LSM12: variants seen among roughly 807,000 people sequenced by gnomAD.
LSM12 encodes the protein protein LSM12.
For missense variants in LSM12, 108 were observed against 238.9 expected, an observed-to-expected ratio of 0.45 and a Z score of 3.61; for synonymous variants, 74 against 87.3, an observed-to-expected ratio of 0.85 and a Z score of 0.85.
chr17:44,056,945 C>T (rs2049722667), intron 2 of LSM12, among the ~76,000 whole-genome samples: 1 of 151,756 alleles, frequency 6.6e-6, no homozygotes, highest in African/African-American at 2.4e-5. Flanking sequence ...AAGCTGTAAT[C>T]GTGCCATTGC....
chr17:44,036,030 T>C lies in LSM12; in HGVS notation c.*178A>G. On this transcript the variant is annotated 3_prime_UTR_variant, in exon 5 of 5. Coordinates refer to ENST00000293406, the MANE Select transcript of LSM12 (RefSeq NM_001371445.1). ...TAATGATTCAACTTTTAAATTATTC[T>C]CTTGTTCTTTTTTGTTGGGTGTTTT... is the stretch of plus-strand genomic sequence containing the variant. The C allele has an allele frequency of 1.9e-6, 1 of 527,596 alleles. No homozygotes were observed. The highest frequency in any genetic ancestry group is 3.3e-6 in the Non-Finnish European group (1 of 301,812). The allele number at this position is 527,596 out of a possible 1,614,324, so 32.7% of individuals were successfully genotyped here. A position where few individuals can be genotyped will look rare whatever the true frequency, so the allele number is the denominator to read the frequency against.
intron 2 of LSM12, among the ~76,000 whole-genome samples, chr17:44,052,619 C>A (rs1001007693): frequency 6.6e-6 from 1 of 151,560 alleles, no homozygotes; most frequent in Non-Finnish European, 1.5e-5. Flanking sequence ...ATTAGCCGGG[C>A]ATGGTGGCGG....
intron 2 of LSM12, among the ~76,000 whole-genome samples, chr17:44,053,055 C>A (rs1215780169): frequency 1.3e-5 from 2 of 152,104 alleles, no homozygotes; most frequent in Non-Finnish European, 2.9e-5. Flanking sequence ...ACTGAGCACT[C>A]CCAAATCAGC....
intron 2 of LSM12, among the ~76,000 whole-genome samples, chr17:44,045,297 A>T (rs2049547738): frequency 1.3e-5 from 2 of 152,136 alleles, no homozygotes; most frequent in Non-Finnish European, 2.9e-5. Flanking sequence ...AAGTGCTGGG[A>T]TTACAAGCGT....
At chr17:44,040,347 A>T in intron 2 of LSM12, 91 bp from the exon 3 acceptor site, 3 of 938,910 alleles carry the variant, frequency 3.2e-6, no homozygotes, top group Non-Finnish European at 5.0e-6. Flanking sequence ...GGAGGCCAGG[A>T]AAGACTTGTT....
At chr17:44,054,659 A>T (rs2049688187) in intron 2 of LSM12, among the ~76,000 whole-genome samples, 1 of 151,774 alleles carries the variant, frequency 6.6e-6, no homozygotes, top group Non-Finnish European at 1.5e-5. Flanking sequence ...GACCCATTTG[A>T]CACCACTCAC....
intron 2 of LSM12, among the ~76,000 whole-genome samples, chr17:44,054,084 C>G (rs1315839648): frequency 6.6e-6 from 1 of 152,138 alleles, no homozygotes; most frequent in Non-Finnish European, 1.5e-5. Context: ...TTCAGGAGGA[C>G]AACAATTCTC....
chr17:44,062,363 A>G (rs1206239800), intron 2 of LSM12, among the ~76,000 whole-genome samples: 3 of 152,156 alleles, frequency 2.0e-5, no homozygotes, highest in Admixed American at 2.0e-4. Context: ...TTAACTGTGA[A>G]GGACAAGGTA....
chr17:44,037,603 G>A, intron 3 of LSM12, 65 bp from the exon 4 acceptor site: 1 of 1,504,224 alleles, frequency 6.6e-7, no homozygotes, highest in Non-Finnish European at 8.8e-7. Flanking sequence ...CCTGTCTGAT[G>A]AATAAATAAC....
Position 44,034,501 on chromosome 17 carries a change from T to C in LSM12, c.*1707A>G, listed in dbSNP as rs1405655035. 2 of 152,382 alleles carry C rather than the reference T, an allele frequency of 1.3e-5. No individual in the cohort carries two copies. Among genetic ancestry groups the C allele is most frequent in the Admixed American group, 6.6e-5 (1 of 15,260 alleles). The allele number at this position is 152,382 out of a possible 1,614,324, so 9.4% of individuals were successfully genotyped here. A position where few individuals can be genotyped will look rare whatever the true frequency, so the allele number is the denominator to read the frequency against. ...TTATACCCTGCATTATATTTCTGGA[T>C]GAGTCCTCGGGGGTGAAAAGAGAGG... On this transcript the variant is annotated 3_prime_UTR_variant, in exon 5 of 5. Coordinates refer to ENST00000293406, the MANE Select transcript of LSM12 (RefSeq NM_001371445.1).
intron 2 of LSM12, among the ~76,000 whole-genome samples, chr17:44,050,709 T>C (rs369498156): frequency 2.6e-5 from 4 of 151,634 alleles, no homozygotes; most frequent in Non-Finnish European, 5.9e-5. Flanking sequence ...TGAGAAGAGA[T>C]GGGGTTTCAC....
At chr17:44,057,081 A>C (rs2049724895) in intron 2 of LSM12, among the ~76,000 whole-genome samples, 1 of 151,348 alleles carries the variant, frequency 6.6e-6, no homozygotes, top group African/African-American at 2.4e-5. Context: ...GCTTTAGCAC[A>C]GGAGGCGGAG....
intron 2 of LSM12, 60 bp downstream of exon 2, chr17:44,063,741 C>T: frequency 6.5e-7 from 1 of 1,531,908 alleles, no homozygotes; most frequent in East Asian, 2.3e-5. Flanking sequence ...ATCACTAAGA[C>T]TCAATGAGAC....
chr17:44,060,409 C>G (rs1008188555), intron 2 of LSM12, among the ~76,000 whole-genome samples: 1 of 152,132 alleles, frequency 6.6e-6, no homozygotes, highest in African/African-American at 2.4e-5. Context: ...AGCAGTAGCC[C>G]AAAAGGCTCT....
intron 1 of LSM12, 30 bp downstream of exon 1, chr17:44,066,434 C>A (rs1168628713): frequency 4.5e-6 from 7 of 1,546,030 alleles, no homozygotes; most frequent in Admixed American, 1.9e-5. Context: ...CACGCCGGCC[C>A]GGACTCGGGC....
At chr17:44,047,809 C>G (rs967676075) in intron 2 of LSM12, among the ~76,000 whole-genome samples, 4 of 151,640 alleles carry the variant, frequency 2.6e-5, no homozygotes, top group Admixed American at 6.6e-5. Context: ...TCTCAAACTC[C>G]TGATCTCAAA....
intron 2 of LSM12, among the ~76,000 whole-genome samples, chr17:44,057,174 G>C (rs2049726914): frequency 6.7e-6 from 1 of 149,300 alleles, no homozygotes; most frequent in African/African-American, 2.4e-5. Flanking sequence ...TTTTGAGACG[G>C]AGTCTCGCTC....
Position 44,063,849 on chromosome 17 carries a change from A to G in LSM12, c.210T>C (p.Asn70=), listed in dbSNP as rs1004180506. The change falls in exon 2 of 5, where the codon AAT becomes AAC. Residue 70 remains asparagine, a synonymous_variant. Coordinates refer to ENST00000293406, the MANE Select transcript of LSM12 (RefSeq NM_001371445.1). ...LQYVSEVEII[N]DRTETPPPLA... is the part of the protein sequence containing the mutation. ...GGGGAGGAGGGGTTTCTGTTCGGTC[A>G]TTAATTATTTCCACTTCTGAAACAT... 2.7e-5 allele frequency: 44 copies of G among 1,613,962 alleles called. No homozygotes were observed. Among genetic ancestry groups the G allele is most frequent in the Non-Finnish European group, 3.6e-5 (42 of 1,180,026 alleles).
intron 2 of LSM12, among the ~76,000 whole-genome samples, chr17:44,055,949 C>A (rs2049707694): frequency 6.6e-6 from 1 of 151,626 alleles, no homozygotes; most frequent in Admixed American, 6.6e-5. Context: ...AAAACGAATT[C>A]TTCCCTCAAT....
Sources: gnomAD v4.1 joint callset for allele counts (sites outside exome capture counted in the v4.1 genomes callset) on GRCh38, gnomAD v4.1.1 for gene constraint, MANE v1.5 for transcripts, NCBI Gene and HGNC (gene_info 2026-07-23, HGNC 2026-07-21) for gene names.